The following INPP4B variants were observed in gnomAD, a reference collection of about 807,000 sequenced individuals.
INPP4B encodes inositol polyphosphate-4-phosphatase type II B.
In INPP4B, 55 loss-of-function variants were observed where a neutral mutation model predicts 122.5. The observed-to-expected ratio is 0.45, with a 90% confidence interval of 0.36 to 0.56. The LOEUF is 0.56. Ranked by LOEUF, INPP4B falls within the 20% of genes least tolerant of loss-of-function variation. The pLI is 0.00. For missense variants in INPP4B, 1,000 were observed against 1,097.7 expected, an observed-to-expected ratio of 0.91 and a Z score of 1.26; for synonymous variants, 403 against 388.7, an observed-to-expected ratio of 1.04 and a Z score of -0.43.
chr4:142,661,799 C>T (rs1428448516), intron 2 of INPP4B, among the ~76,000 whole-genome samples: 1 of 152,186 alleles, frequency 6.6e-6, no homozygotes, highest in East Asian at 1.9e-4. Flanking sequence ...CAAGTCTTTC[C>T]TTCAAAACAG....
At chr4:142,526,069 A>G (rs189845245) in intron 2 of INPP4B, among the ~76,000 whole-genome samples, 1 of 152,180 alleles carries the variant, frequency 6.6e-6, no homozygotes, top group East Asian at 1.9e-4. Context: ...GTGCTTTATC[A>G]ATAATAAATG....
chr4:142,253,357 T>C (rs1733503962), intron 11 of INPP4B, among the ~76,000 whole-genome samples: 1 of 152,220 alleles, frequency 6.6e-6, no homozygotes, highest in Non-Finnish European at 1.5e-5. Context: ...GGAGCCAAGA[T>C]GGCCGAATAG....
chr4:142,346,108 T>C (rs1449510901), intron 7 of INPP4B, among the ~76,000 whole-genome samples: 1 of 152,034 alleles, frequency 6.6e-6, no homozygotes, highest in Non-Finnish European at 1.5e-5. Flanking sequence ...CTGTAATTTA[T>C]TGTACATCAT....
At chr4:142,825,444 A>G (rs73850572) in intron 1 of INPP4B, among the ~76,000 whole-genome samples, 1 of 152,136 alleles carries the variant, frequency 6.6e-6, no homozygotes, top group Non-Finnish European at 1.5e-5. Context: ...TAGTCAACAT[A>G]TATGTGCACA....
chr4:142,129,559 A>C (rs1249086797), intron 18 of INPP4B, among the ~76,000 whole-genome samples: 1 of 152,166 alleles, frequency 6.6e-6, no homozygotes, highest in Non-Finnish European at 1.5e-5. Flanking sequence ...TGCCCATAGG[A>C]GGCCTCTAAA....
intron 10 of INPP4B, among the ~76,000 whole-genome samples, chr4:142,264,050 C>T (rs1741602614): frequency 6.6e-6 from 1 of 151,974 alleles, no homozygotes; most frequent in South Asian, 2.1e-4. Flanking sequence ...TGTGTTTGGT[C>T]ACTGAAGGGC....
intron 7 of INPP4B, among the ~76,000 whole-genome samples, chr4:142,351,250 G>T (rs957834237): frequency 4.0e-5 from 6 of 151,890 alleles, no homozygotes; most frequent in African/African-American, 1.2e-4. Flanking sequence ...TTTCCTCCAA[G>T]ATCTAAGTTT....
intron 17 of INPP4B, among the ~76,000 whole-genome samples, chr4:142,156,118 T>C (rs1022395181): frequency 6.6e-6 from 1 of 151,760 alleles, no homozygotes; most frequent in Non-Finnish European, 1.5e-5. Flanking sequence ...GATGCAGAAA[T>C]GTAGATCAAT....
At chr4:142,418,762 T>C (rs1020508747) in intron 5 of INPP4B, among the ~76,000 whole-genome samples, 1 of 152,186 alleles carries the variant, frequency 6.6e-6, no homozygotes, top group African/African-American at 2.4e-5. Flanking sequence ...AGACCCATTT[T>C]GATTTTACTC....
chr4:142,079,373 A>G (rs1410522605), intron 25 of INPP4B, among the ~76,000 whole-genome samples: 1 of 151,992 alleles, frequency 6.6e-6, no homozygotes, highest in East Asian at 1.9e-4. Context: ...ATGTTCATTT[A>G]AAAACCACTG....
At chr4:142,352,951 GT>G (rs1477509105) in intron 7 of INPP4B, among the ~76,000 whole-genome samples, 1 of 151,888 alleles carries the variant, frequency 6.6e-6, no homozygotes. Context: ...ATAGGGTGGT[GT>G]TTTTTCAGCT....
chr4:142,453,710 C>A (rs745841692), intron 3 of INPP4B, among the ~76,000 whole-genome samples: 44 of 152,108 alleles, frequency 2.9e-4, no homozygotes, highest in Non-Finnish European at 4.6e-4. Context: ...CAAGCAGTTT[C>A]CTTACTCTTC....
intron 2 of INPP4B, chr4:142,514,503 G>A (rs924587580): frequency 6.6e-6 from 1 of 152,066 alleles, no homozygotes; most frequent in Non-Finnish European, 1.5e-5. Context: ...TTATATTGCT[G>A]TTATTATTTT....
chr4:142,346,203 A>T (rs1315053556), intron 7 of INPP4B, among the ~76,000 whole-genome samples: 1 of 152,074 alleles, frequency 6.6e-6, no homozygotes, highest in South Asian at 2.1e-4. Context: ...GAACTAAAAC[A>T]TTAACAACAC....
chr4:142,446,535 T>A (rs920185481), intron 3 of INPP4B, among the ~76,000 whole-genome samples: 5 of 152,168 alleles, frequency 3.3e-5, no homozygotes, highest in African/African-American at 1.2e-4. Flanking sequence ...GTAGATAAAC[T>A]CTTACAAATG....
At chr4:142,374,966 G>A (rs1017091045) in intron 7 of INPP4B, among the ~76,000 whole-genome samples, 20 of 151,908 alleles carry the variant, frequency 1.3e-4, no homozygotes, top group Non-Finnish European at 2.4e-4. Flanking sequence ...CCAGCTCTCC[G>A]TTCTGGAACC....
intron 23 of INPP4B, among the ~76,000 whole-genome samples, chr4:142,103,901 C>T (rs1465212308): frequency 6.6e-6 from 1 of 151,776 alleles, no homozygotes; most frequent in Non-Finnish European, 1.5e-5. Flanking sequence ...ATTTTGTATA[C>T]AATCCTTATT....
intron 1 of INPP4B, among the ~76,000 whole-genome samples, chr4:142,779,891 T>C (rs1168088165): frequency 1.3e-5 from 2 of 152,178 alleles, no homozygotes; most frequent in East Asian, 3.9e-4. Flanking sequence ...TAAACCTGTG[T>C]GGTTGAAGAG....
intron 1 of INPP4B, among the ~76,000 whole-genome samples, chr4:142,769,672 T>C (rs1772730404): frequency 6.6e-6 from 1 of 152,214 alleles, no homozygotes; most frequent in African/African-American, 2.4e-5. Context: ...CCCAACAATT[T>C]GGGAGGCTGA....
Sources: gnomAD v4.1 joint callset for allele counts (sites outside exome capture counted in the v4.1 genomes callset) on GRCh38, gnomAD v4.1.1 for gene constraint, MANE v1.5 for transcripts, NCBI Gene and HGNC (gene_info 2026-07-23, HGNC 2026-07-21) for gene names.